SYNE1: variants seen among roughly 807,000 people sequenced by gnomAD.
SYNE1 encodes nesprin-1.
Under a neutral mutation model 1,111.0 loss-of-function variants are expected in SYNE1, and 616 were observed. The observed-to-expected ratio is 0.55, with a 90% CI of 0.52 to 0.59. The LOEUF is 0.59. Among genes scored for constraint, SYNE1 ranks in the 20% least tolerant of loss-of-function variants. The probability of loss-of-function intolerance (pLI) is 0.00; values close to 1 mark genes in which losing one functional copy is unlikely to be tolerated. For synonymous variants in SYNE1, 3,855 were observed against 3,825.8 expected (o/e 1.01, Z -0.28); for missense variants, 10,006 against 10,417.0 (o/e 0.96, Z 1.72).
In SYNE1 at chr6:152,520,554, G is replaced by A. The variant is rs751416144; in HGVS notation, c.226-12C>T. 5.0e-6 allele frequency: 8 copies of A among 1,613,392 alleles called. No homozygotes were observed. Among genetic ancestry groups the A allele is most frequent in the Admixed American group, 1.7e-5 (1 of 59,976 alleles). ...CCTTGTTCACAAGGCTGTAAAAAGT[G>A]GGGTAAAAAAGGGAATGAGACAAAA... On this transcript the variant is annotated splice_polypyrimidine_tract_variant and intron_variant, in intron 5 of 145. Transcript: ENST00000367255.
intron 84 of SYNE1, among the ~76,000 whole-genome samples, chr6:152,319,444 T>C (rs2095818302): frequency 6.6e-6 from 1 of 152,224 alleles, no homozygotes; most frequent in African/African-American, 2.4e-5. Context: ...AAGCACCTTT[T>C]AATAAATGAC....
At chr6:152,531,866 T>A (rs147611013) in intron 4 of SYNE1, among the ~76,000 whole-genome samples, 1 of 152,236 alleles carries the variant, frequency 6.6e-6, no homozygotes, top group Admixed American at 6.5e-5. Flanking sequence ...TTCCATTGTA[T>A]GGATATACCA....
intron 105 of SYNE1, among the ~76,000 whole-genome samples, chr6:152,246,342 CA>C (rs200806841): frequency 1.8e-3 from 254 of 143,958 alleles, no homozygotes; most frequent in African/African-American, 5.6e-3. Flanking sequence ...CTTTAAACAA[CA>C]AAAAAAAAAC....
In SYNE1 at chr6:152,224,552, C is replaced by G. The variant is rs746326110; in HGVS notation, c.21464G>C (p.Arg7155Pro). The G allele has an allele frequency of 5.6e-6, 9 of 1,613,964 alleles. No individual in the cohort carries two copies. The highest frequency in any genetic ancestry group is 5.0e-5 in the Admixed American group (3 of 59,992). ...TAAGGAGCCAGTCAGCAGACGGAAT[C>G]GGGAAAGAGAGTATCTGGCCTCCAT... Reference protein sequence around the residue: ...YLMEARYSLSRFRLLTGSLEA... With the variant: ...YLMEARYSLSPFRLLTGSLEA... The change falls in exon 117 of 146, where the codon CGA becomes CCA. Residue 7155 changes from arginine (R) to proline (P), a missense_variant. Transcript: ENST00000367255.
At chr6:152,306,339 A>G (rs2095372094) in intron 91 of SYNE1, among the ~76,000 whole-genome samples, 1 of 151,956 alleles carries the variant, frequency 6.6e-6, no homozygotes, top group Non-Finnish European at 1.5e-5. Flanking sequence ...TACAAAAATT[A>G]TCAGGGCATG....
chr6:152,631,187 T>C (rs1030560562), intron 2 of SYNE1, among the ~76,000 whole-genome samples: 5 of 152,228 alleles, frequency 3.3e-5, no homozygotes, highest in African/African-American at 1.2e-4. Flanking sequence ...AAAGGTGTCC[T>C]TCTTGGCAAG....
At chr6:152,502,871 A>C in intron 9 of SYNE1, 129 bp from the exon 10 acceptor site, 4 of 733,898 alleles carry the variant, frequency 5.5e-6, no homozygotes, top group South Asian at 1.7e-5. Context: ...ACTATTTAGA[A>C]TTTTGGACGG....
chr6:152,238,134 G>A (rs939497041), intron 108 of SYNE1, among the ~76,000 whole-genome samples: 7 of 152,114 alleles, frequency 4.6e-5, no homozygotes, highest in African/African-American at 1.4e-4. Context: ...TTCTTGTGCT[G>A]TGGAAGAATA....
At position 152,331,720 on chromosome 6, in the gene SYNE1, T is replaced by A. The variant is rs770133780; in HGVS notation, c.12965A>T (p.Glu4322Val). The change falls in exon 78 of 146, where the codon GAG (glutamate) becomes GTG (valine). Residue 4322 changes from glutamate (E) to valine (V), a missense_variant. Around this residue, in one of 7 missense-constraint regions of SYNE1, gnomAD observed 4,955 missense variants for 5,017.2 expected, o/e 0.99. Transcript: ENST00000367255. ...GTCCTCAAGCTGAAACCAACGTTGC[T>A]CTAAATGACTCGTCTGTTCTTTGAC... ...ELVKEQTSHL[E>V]QRWFQLEDLI... is the part of the protein sequence containing the mutation. 13 of 1,614,098 alleles carry A rather than the reference T, an allele frequency of 8.1e-6. No individual in the cohort carries two copies.
rs190333565 is a variant in SYNE1, at chr6:152,305,591, C to T, written c.17346+2898G>A. Among the ~76,000 whole-genome samples the T allele has an allele frequency of 4.1e-3, 624 of 152,152 alleles. 2 individuals are homozygous for T. The highest frequency in any genetic ancestry group is 6.9e-3 in the Non-Finnish European group (471 of 67,994). On this transcript the variant is annotated intron_variant, in intron 91 of 145. Coordinates refer to ENST00000367255, the MANE Select transcript of SYNE1 (RefSeq NM_182961.4). ...AAAATTATTTTTAAAAGTTTGAATT[C>T]CTTAGGCATAAATAAATGATCAGTT...
At chr6:152,488,150 G>A (rs2098951215) in intron 12 of SYNE1, among the ~76,000 whole-genome samples, 1 of 151,968 alleles carries the variant, frequency 6.6e-6, no homozygotes, top group East Asian at 1.9e-4. Context: ...ATAAGACTGA[G>A]TTATGGAAAA....
rs987950411 is a variant in SYNE1 at position 152,163,098 on chromosome 6, G to C, written c.23790+1065C>G. Among the ~76,000 whole-genome samples the C allele has an allele frequency of 2.0e-5, 3 of 152,322 alleles. No homozygotes were observed. In the East Asian group the frequency reaches 5.8e-4, roughly 29 times the overall value. On this transcript the variant is annotated intron_variant, in intron 131 of 145. Coordinates refer to ENST00000367255, the MANE Select transcript of SYNE1 (RefSeq NM_182961.4). ...TAAATGTAATGGAGAGAACCAGAGT[G>C]TGGATAGAATATTCAAAGCAACCTA...
rs1306222809 is a variant in SYNE1 at position 152,316,945 on chromosome 6, T to C, written c.16614A>G (p.Leu5538=). 1.9e-6 allele frequency: 3 copies of C among 1,614,144 alleles called. No homozygotes were observed. Among genetic ancestry groups the C allele is most frequent in the Non-Finnish European group, 2.5e-6 (3 of 1,180,028 alleles). The change falls in exon 87 of 146, where the codon TTA becomes TTG. Residue 5538 remains leucine (L), a synonymous_variant. Transcript: ENST00000367255. ...HLEEYNEMLE[L]ILKWIEKAKV... ...TAGCTTTTTCAATCCACTTCAAAAT[T>C]AATTCAAGCATTTCATTGTATTCTT... is the stretch of plus-strand genomic sequence containing the variant.
Position 152,529,812 on chromosome 6 carries a change from C to T in SYNE1, c.130-3637G>A, listed in dbSNP as rs1743784219. Among the ~76,000 whole-genome samples the T allele has an allele frequency of 2.7e-5, 4 of 148,036 alleles. No homozygotes were observed. In the South Asian group the frequency reaches 8.7e-4, roughly 32 times the overall value. ...GTGTTCCCAACCAGGGAAGTTCCCCCAGGTCTTAGTGTCCAGGGTTTTACT... is the reference window on the plus strand; with the variant it reads ...GTGTTCCCAACCAGGGAAGTTCCCCTAGGTCTTAGTGTCCAGGGTTTTACT... On this transcript the variant is annotated intron_variant, in intron 4 of 145. Coordinates refer to ENST00000367255, the MANE Select transcript of SYNE1 (RefSeq NM_182961.4).
chr6:152,381,629 C>T (rs1011889615), intron 55 of SYNE1: 21 of 514,202 alleles, frequency 4.1e-5, no homozygotes, highest in Non-Finnish European at 6.0e-5. Flanking sequence ...AGGCATTATT[C>T]GCACACGTGA....
At chr6:152,593,497 G>A (rs932294134) in intron 3 of SYNE1, among the ~76,000 whole-genome samples, 1 of 152,106 alleles carries the variant, frequency 6.6e-6, no homozygotes, top group Non-Finnish European at 1.5e-5. Context: ...CAGGAGAATG[G>A]CGTGAATCCG....
At chr6:152,478,800 A>G (rs1191520896) in intron 14 of SYNE1, among the ~76,000 whole-genome samples, 1 of 152,130 alleles carries the variant, frequency 6.6e-6, no homozygotes, top group African/African-American at 2.4e-5. Flanking sequence ...TGGGTTAGTC[A>G]TCGCGCCTGG....
intron 66 of SYNE1, among the ~76,000 whole-genome samples, chr6:152,356,021 A>G (rs2096831126): frequency 6.6e-6 from 1 of 152,222 alleles, no homozygotes; most frequent in South Asian, 2.1e-4. Flanking sequence ...CAAATTGGCA[A>G]CAAATACATA....
chr6:152,164,391 AGAG>A (rs2063190316), intron 130 of SYNE1, 66 bp from the exon 131 acceptor site: 13 of 1,588,218 alleles, frequency 8.2e-6, no homozygotes, highest in African/African-American at 5.4e-5. Context: ...TCTAGCGTGC[AGAG>A]GAGAACACTG....
Sources: gnomAD v4.1 joint callset for allele counts (sites outside exome capture counted in the v4.1 genomes callset) on GRCh38, gnomAD v4.1.1 for gene constraint, gnomAD v4.1.1 regional missense constraint, MANE v1.5 for transcripts, NCBI Gene and HGNC (gene_info 2026-07-23, HGNC 2026-07-21) for gene names.